Variants in NRXN1 observed in about 807,000 individuals in gnomAD.
The protein encoded by NRXN1 is neurexin 1, also known as neurexin-1.
Under a neutral mutation model 150.9 loss-of-function variants are expected in NRXN1, and 39 were observed. The ratio of observed to expected loss-of-function variants is 0.26; its 90% confidence interval spans 0.20 to 0.34. The LOEUF is 0.34. NRXN1 is among the 10% of genes least tolerant of loss of function. The pLI, the probability that NRXN1 is intolerant of heterozygous loss-of-function variation, is 1.00. For missense variants in NRXN1, 1,815 were observed against 1,949.9 expected (o/e 0.93, Z 1.30); for synonymous variants, 924 against 757.0 (o/e 1.22, Z -3.62).
chr2:50,364,149 T>C (rs896406804), intron 17 of NRXN1, among the ~76,000 whole-genome samples: 1 of 152,080 alleles, frequency 6.6e-6, no homozygotes, highest in Non-Finnish European at 1.5e-5. Context: ...AGATGACAGG[T>C]TGATGGGTGC....
At chr2:50,657,494 T>G (rs1686663414) in intron 5 of NRXN1, among the ~76,000 whole-genome samples, 1 of 152,056 alleles carries the variant, frequency 6.6e-6, no homozygotes, top group Non-Finnish European at 1.5e-5. Context: ...GGGATCTTCA[T>G]TTTTTGTTTG....
intron 17 of NRXN1, among the ~76,000 whole-genome samples, chr2:50,410,295 G>A (rs1474043015): frequency 1.3e-5 from 2 of 152,152 alleles, no homozygotes; most frequent in East Asian, 3.9e-4. Flanking sequence ...AGCTTGCACT[G>A]CTATCAGACC....
chr2:50,348,161 T>C (rs6728741), intron 17 of NRXN1, among the ~76,000 whole-genome samples: 89,829 of 152,064 alleles, frequency 0.59, 28,747 homozygotes, highest in East Asian at 0.92. Flanking sequence ...AAATATGGCT[T>C]GATACCTTGT....
rs200331973 is a variant in NRXN1, at chr2:50,055,020, G to C, written c.3743C>G (p.Ala1248Gly). The change falls in exon 20 of 23, where the codon GCG (alanine) becomes GGG (glycine). Residue 1248 changes from alanine (A) to glycine (G), a missense_variant. Transcript: ENST00000401669. ...ATATGGAATTCGCTGTCTAGCAATC[G>C]CCAGGCGCTCGTTATCATTGTTTCC... ...PAGNNDNERL[A>G]IARQRIPYRL... 3 of 1,599,834 alleles carry C rather than the reference G, an allele frequency of 1.9e-6. No individual in the cohort carries two copies. The highest frequency in any genetic ancestry group is 2.6e-6 in the Non-Finnish European group (3 of 1,174,280).
intron 17 of NRXN1, among the ~76,000 whole-genome samples, chr2:50,353,402 C>T (rs2078564562): frequency 6.6e-6 from 1 of 152,052 alleles, no homozygotes; most frequent in Admixed American, 6.6e-5. Flanking sequence ...ACAAACACTT[C>T]CTAGGCTCAT....
chr2:50,587,976 T>A (rs180759954), intron 8 of NRXN1, among the ~76,000 whole-genome samples: 1 of 152,180 alleles, frequency 6.6e-6, no homozygotes, highest in African/African-American at 2.4e-5. Context: ...TAAGAAATGA[T>A]CTTCTTTGTG....
chr2:50,638,569 A>G (rs574063581), intron 5 of NRXN1, among the ~76,000 whole-genome samples: 4 of 152,276 alleles, frequency 2.6e-5, no homozygotes, highest in African/African-American at 9.6e-5. Flanking sequence ...ATAATTCACA[A>G]TACTTCCATT....
At chr2:50,302,229 T>C (rs1261947340) in intron 17 of NRXN1, among the ~76,000 whole-genome samples, 5 of 152,188 alleles carry the variant, frequency 3.3e-5, no homozygotes. Context: ...TATCAAGGAA[T>C]GAATCCTTGA....
chr2:50,722,932 C>T (rs865843893), intron 5 of NRXN1, among the ~76,000 whole-genome samples: 2 of 152,110 alleles, frequency 1.3e-5, no homozygotes, highest in Non-Finnish European at 2.9e-5. Context: ...TGGTCCAACT[C>T]CTCCTTTGTA....
chr2:50,985,543 T>C (rs1697558156), intron 2 of NRXN1: 1 of 151,432 alleles, frequency 6.6e-6, no homozygotes, highest in South Asian at 2.1e-4. Context: ...CTACAAGAAC[T>C]CAGAAATATT....
At chr2:50,773,090 A>C (rs1703202434) in intron 5 of NRXN1, among the ~76,000 whole-genome samples, 2 of 152,100 alleles carry the variant, frequency 1.3e-5, no homozygotes, top group Non-Finnish European at 2.9e-5. Flanking sequence ...TACTTTACCT[A>C]CCTAATTTCC....
intron 2 of NRXN1, among the ~76,000 whole-genome samples, chr2:50,977,532 A>C (rs1696059878): frequency 6.6e-6 from 1 of 151,956 alleles, no homozygotes. Context: ...TTCAGGAAAC[A>C]CTACAAGTTT....
chr2:50,336,681 G>A (rs1366013841), intron 17 of NRXN1, among the ~76,000 whole-genome samples: 1 of 152,036 alleles, frequency 6.6e-6, no homozygotes, highest in Non-Finnish European at 1.5e-5. Flanking sequence ...GAAAGTATTT[G>A]CCATCTAGAA....
intron 19 of NRXN1, among the ~76,000 whole-genome samples, chr2:50,078,762 C>G (rs994306670): frequency 1.3e-5 from 2 of 151,946 alleles, no homozygotes; most frequent in African/African-American, 4.8e-5. Flanking sequence ...AAGTGAAGAG[C>G]CTTTCTTAGC....
chr2:50,387,549 T>A (rs114144690), intron 17 of NRXN1, among the ~76,000 whole-genome samples: 1,912 of 152,284 alleles, frequency 0.013, 13 homozygotes, highest in East Asian at 0.018. Flanking sequence ...ACCTTTACAT[T>A]TTTTATTTAC....
chr2:50,356,819 T>C (rs1316301063), intron 17 of NRXN1, among the ~76,000 whole-genome samples: 1 of 152,190 alleles, frequency 6.6e-6, no homozygotes, highest in Non-Finnish European at 1.5e-5. Flanking sequence ...TATCTGATGA[T>C]TTTTTTAAAG....
At chr2:50,799,254 T>A (rs1163565671) in intron 5 of NRXN1, among the ~76,000 whole-genome samples, 1 of 152,328 alleles carries the variant, frequency 6.6e-6, no homozygotes, top group East Asian at 1.9e-4. Flanking sequence ...CATATTAAGT[T>A]TCACCTAAAT....
chr2:50,239,031 C>T (rs2065739207), intron 17 of NRXN1, among the ~76,000 whole-genome samples: 1 of 151,910 alleles, frequency 6.6e-6, no homozygotes, highest in African/African-American at 2.4e-5. Context: ...TCAGAATATA[C>T]AGAGTGTAGA....
At chr2:50,045,099 G>T (rs1691603970) in intron 21 of NRXN1, among the ~76,000 whole-genome samples, 1 of 152,066 alleles carries the variant, frequency 6.6e-6, no homozygotes, top group Non-Finnish European at 1.5e-5. Context: ...CTTCTCCTGA[G>T]GTCCCAGCCT....
Sources: gnomAD v4.1 joint callset for allele counts (sites outside exome capture counted in the v4.1 genomes callset) on GRCh38, gnomAD v4.1.1 for gene constraint, MANE v1.5 for transcripts, NCBI Gene and HGNC (gene_info 2026-07-23, HGNC 2026-07-21) for gene names.